The following CDH2 variants were observed in gnomAD, a reference collection of about 807,000 sequenced individuals.
CDH2 encodes cadherin 2.
CDH2 carries 17 observed loss-of-function variants against 92.0 expected under a neutral mutation model. The ratio of observed to expected loss-of-function variants is 0.18; its 90% confidence interval spans 0.13 to 0.28. The LOEUF (loss-of-function observed/expected upper bound fraction) is 0.28, where lower values mean the gene tolerates loss of function less well. Ranked by LOEUF, CDH2 falls within the 10% of genes least tolerant of loss-of-function variation. The pLI is 1.00. For synonymous variants in CDH2, 419 were observed against 415.9 expected (o/e 1.01, Z -0.09); for missense variants, 862 against 1,133.1 (o/e 0.76, Z 3.44).
intron 1 of CDH2, among the ~76,000 whole-genome samples, chr18:28,158,875 C>G (rs2016262151): frequency 6.6e-6 from 1 of 152,198 alleles, no homozygotes; most frequent in South Asian, 2.1e-4. Flanking sequence ...CAATGCTACT[C>G]TTCCCACTAA....
intron 2 of CDH2, among the ~76,000 whole-genome samples, chr18:28,014,467 G>A (rs1433162848): frequency 6.6e-6 from 1 of 152,112 alleles, no homozygotes; most frequent in African/African-American, 2.4e-5. Flanking sequence ...CAGGAAGAAA[G>A]CAATGCATTT....
At chr18:28,060,521 A>C (rs2014382232) in intron 2 of CDH2, among the ~76,000 whole-genome samples, 1 of 152,160 alleles carries the variant, frequency 6.6e-6, no homozygotes, top group Non-Finnish European at 1.5e-5. Flanking sequence ...ATTTCTTTAC[A>C]GAAGAACCTG....
chr18:28,047,064 G>A (rs181537218), intron 2 of CDH2, among the ~76,000 whole-genome samples: 7 of 152,240 alleles, frequency 4.6e-5, no homozygotes, highest in Admixed American at 3.3e-4. Flanking sequence ...GATTCCTAGA[G>A]GGATTCCTTT....
intron 2 of CDH2, among the ~76,000 whole-genome samples, chr18:28,113,529 AC>A (rs2015447371): frequency 6.6e-6 from 1 of 152,024 alleles, no homozygotes; most frequent in Non-Finnish European, 1.5e-5. Flanking sequence ...AAGACGTGGC[AC>A]AAATATTCTC....
At position 27,963,380 on chromosome 18, in the gene CDH2, C is replaced by G. The variant is rs1567939337; in HGVS notation, c.2491G>C (p.Asp831His). 1 of 1,614,072 alleles carries G rather than the reference C, an allele frequency of 6.2e-7. No individual in the cohort carries two copies. The highest frequency in any genetic ancestry group is 8.5e-7 in the Non-Finnish European group (1 of 1,180,020). ...ACCTCATTAATGAAGTCCCCAATGT[C>G]TCCAGGGTGTGGGGCTGCAGATCGG... ...PVRSAAPHPGDIGDFINEGLK... is the reference protein window; with the variant it reads ...PVRSAAPHPGHIGDFINEGLK... The change falls in exon 15 of 16, where the codon GAC becomes CAC. Residue 831 changes from aspartate to histidine, a missense_variant. Asp to His is a moderately conservative substitution (Grantham distance 81). Transcript: ENST00000269141.
At chr18:28,170,989 G>A (rs1247681558) in intron 1 of CDH2, among the ~76,000 whole-genome samples, 1 of 151,832 alleles carries the variant, frequency 6.6e-6, no homozygotes, top group Non-Finnish European at 1.5e-5. Context: ...AGCACTTCGG[G>A]AGGCCGAGGC....
chr18:28,006,346 T>C lies in CDH2; in HGVS notation c.703-353A>G, dbSNP rs578204951. ...CACTGCTGTCTCTGCTGACAGGACTTAGATCCAAAACCAGTTGTGTCCAGC... is the reference window on the plus strand; with the variant it reads ...CACTGCTGTCTCTGCTGACAGGACTCAGATCCAAAACCAGTTGTGTCCAGC... On this transcript the variant is annotated intron_variant, in intron 5 of 15. Transcript: ENST00000269141. Among the ~76,000 whole-genome samples, 9 of 152,228 alleles carry C rather than the reference T, an allele frequency of 5.9e-5. 1 individual carries two copies. In the South Asian group the frequency reaches 1.9e-3, roughly 32 times the overall value.
chr18:28,108,323 C>A (rs964289627), intron 2 of CDH2, among the ~76,000 whole-genome samples: 2 of 152,178 alleles, frequency 1.3e-5, no homozygotes, highest in African/African-American at 4.8e-5. Context: ...AAACATTCTA[C>A]AGAAAAGCAT....
At position 28,009,839 on chromosome 18, in the gene CDH2, G is replaced by A. The variant is rs1228174771; in HGVS notation, c.580C>T (p.Arg194Trp). 4 of 1,612,892 alleles carry A rather than the reference G, an allele frequency of 2.5e-6. No individual in the cohort carries two copies. The highest frequency in any genetic ancestry group is 3.4e-6 in the Non-Finnish European group (4 of 1,179,462). The change falls in exon 5 of 16, where the codon CGG (arginine) becomes TGG (tryptophan). Residue 194 changes from arginine (R) to tryptophan (W), a missense_variant. Arg to Trp is a moderately radical substitution (Grantham distance 101, BLOSUM62 -3). Coordinates refer to ENST00000269141, the MANE Select transcript of CDH2 (RefSeq NM_001792.5). Reference sequence around the variant, plus strand: ...GCTCCTGGCCCAGTTACACTGTACCGCAGTGAAAGGTTTTTATCTCTATCA... The same window carrying A: ...GCTCCTGGCCCAGTTACACTGTACCACAGTGAAAGGTTTTTATCTCTATCA... Reference protein sequence around the residue: ...RSDRDKNLSLRYSVTGPGADQ... With the variant: ...RSDRDKNLSLWYSVTGPGADQ...
chr18:28,118,589 CAG>C (rs1491288135), intron 2 of CDH2, among the ~76,000 whole-genome samples: 4 of 147,716 alleles, frequency 2.7e-5, no homozygotes, highest in African/African-American at 1.0e-4. Context: ...AAATTTAGTT[CAG>C]TGTGTGTGTG....
chr18:28,021,369 G>A (rs1204404048), intron 2 of CDH2, among the ~76,000 whole-genome samples: 1 of 151,496 alleles, frequency 6.6e-6, no homozygotes, highest in African/African-American at 2.4e-5. Context: ...TCATAACATG[G>A]GAAAAAAGAA....
intron 1 of CDH2, among the ~76,000 whole-genome samples, chr18:28,152,495 G>A (rs1192775464): frequency 1.3e-5 from 2 of 152,128 alleles, no homozygotes; most frequent in Admixed American, 6.5e-5. Flanking sequence ...GTAGCAAGGC[G>A]CTAGAGAGTG....
intron 15 of CDH2, among the ~76,000 whole-genome samples, chr18:27,956,714 A>C (rs2011254392): frequency 6.6e-6 from 1 of 152,112 alleles, no homozygotes; most frequent in South Asian, 2.1e-4. Flanking sequence ...GCTCTCTATG[A>C]CTCCTTCCAA....
intron 11 of CDH2, 32 bp from the exon 12 acceptor site, chr18:27,985,793 G>C: frequency 7.8e-7 from 1 of 1,276,476 alleles, no homozygotes; most frequent in Non-Finnish European, 1.1e-6. Flanking sequence ...AAATGATGCT[G>C]AACAGTTCTC....
At chr18:28,087,745 C>T (rs2014960111) in intron 2 of CDH2, among the ~76,000 whole-genome samples, 1 of 151,772 alleles carries the variant, frequency 6.6e-6, no homozygotes, top group African/African-American at 2.4e-5. Context: ...AGAGGCTCAG[C>T]CACTCAAAAG....
chr18:28,009,759 C>T lies in CDH2; in HGVS notation c.660G>A (p.Ser220=), dbSNP rs199946923. The change falls in exon 5 of 16, where the codon TCG becomes TCA. Residue 220 remains serine, a synonymous_variant. Coordinates refer to ENST00000269141, the MANE Select transcript of CDH2 (RefSeq NM_001792.5). ...FIINPISGQL[S]VTKPLDREQI... is the part of the protein sequence containing the mutation. ...GCTCGCGATCCAGGGGCTTTGTCAC[C>T]GACAGCTGACCCGAGATGGGGTTGA... 1.7e-5 allele frequency: 27 copies of T among 1,613,740 alleles called. No homozygotes were observed. Among genetic ancestry groups the T allele is most frequent in the Admixed American group, 5.0e-5 (3 of 59,964 alleles).
chr18:28,019,316 A>G (rs11664205), intron 2 of CDH2, among the ~76,000 whole-genome samples: 29,731 of 151,722 alleles, frequency 0.2, 3,368 homozygotes, highest in Non-Finnish European at 0.25. Context: ...GAAAGAAAAC[A>G]AGAAATGAAG....
At chr18:28,007,186 A>G (rs1406252420) in intron 5 of CDH2, among the ~76,000 whole-genome samples, 5 of 144,732 alleles carry the variant, frequency 3.5e-5, no homozygotes, top group Non-Finnish European at 7.5e-5. Context: ...ATATATATAT[A>G]TATATATACG....
At chr18:28,080,675 A>C (rs1472023004) in intron 2 of CDH2, among the ~76,000 whole-genome samples, 1 of 152,248 alleles carries the variant, frequency 6.6e-6, no homozygotes, top group Non-Finnish European at 1.5e-5. Flanking sequence ...ATTTAAACAA[A>C]AGACCAAACT....
Sources: allele counts gnomAD v4.1 joint callset (sites outside exome capture counted in the v4.1 genomes callset), GRCh38; gene constraint gnomAD v4.1.1; transcripts MANE v1.5; gene names NCBI Gene and HGNC (gene_info 2026-07-23, HGNC 2026-07-21).